CCDC141: variants seen among roughly 807,000 people sequenced by gnomAD.
CCDC141 encodes the protein coiled-coil domain containing 141, also known as coiled-coil domain-containing protein 141.
In CCDC141, 168 loss-of-function variants were observed where a neutral mutation model predicts 181.0. The observed-to-expected ratio is 0.93, with a 90% CI of 0.82 to 1.05. The LOEUF (loss-of-function observed/expected upper bound fraction) is 1.05. Among genes scored for constraint, CCDC141 ranks in the 50% least tolerant of loss-of-function variants. CCDC141 has a pLI of 0.00. For missense variants in CCDC141, 1,902 were observed against 1,788.5 expected, an observed-to-expected ratio of 1.06 and a Z score of -1.14; for synonymous variants, 666 against 642.3, an observed-to-expected ratio of 1.04 and a Z score of -0.56.
chr2:178,985,564 T>C (rs373394716), intron 2 of CCDC141, among the ~76,000 whole-genome samples: 2 of 151,368 alleles, frequency 1.3e-5, no homozygotes, highest in South Asian at 2.1e-4. Flanking sequence ...ATTGATAGAC[T>C]GCTAGCAAGA....
At chr2:178,974,936 G>A (rs2154380361) in intron 4 of CCDC141, 121 bp downstream of exon 4, 2 of 479,160 alleles carry the variant, frequency 4.2e-6, no homozygotes, top group Non-Finnish European at 7.3e-6. Context: ...ACTTTTCTTG[G>A]AACAAGCTGA....
At chr2:178,856,565 T>C (rs1217571412) in intron 17 of CCDC141, among the ~76,000 whole-genome samples, 168 bp from the exon 18 acceptor site, 1 of 147,560 alleles carries the variant, frequency 6.8e-6, no homozygotes, top group Non-Finnish European at 1.5e-5. Flanking sequence ...TCACTCTTTC[T>C]CTTTCTCTCT....
chr2:179,029,508 C>T lies in CCDC141; in HGVS notation c.225+17776G>A, dbSNP rs184167780. Among the ~76,000 whole-genome samples the T allele has an allele frequency of 5.5e-3, 830 of 152,236 alleles. 3 individuals carry two copies. Among genetic ancestry groups the T allele is most frequent in the Middle Eastern group, 0.017 (5 of 294 alleles). On this transcript the variant is annotated intron_variant, in intron 2 of 23. Coordinates refer to ENST00000443758, the MANE Select transcript of CCDC141 (RefSeq NM_173648.4). The stretch of plus-strand genomic sequence containing the variant: ...TCATAGATAGTAACCATTATTGCTT[C>T]TATAAGTTTTTCAAGGGGGTAAAAA...
rs551721830 is a variant in CCDC141 at position 179,009,335 on chromosome 2, C to A, written c.226-30660G>T. Among the ~76,000 whole-genome samples the A allele has an allele frequency of 4.6e-5, 7 of 152,216 alleles. No individual in the cohort carries two copies. In the South Asian group the frequency reaches 1.3e-3, roughly 27 times the overall value. ...GTTCTCCCCCCTGGGGGTTGAAAAG[C>A]CTTGTTTTGTCATATTACCATGGTT... is the stretch of plus-strand genomic sequence containing the variant. On this transcript the variant is annotated intron_variant, in intron 2 of 23. Coordinates refer to ENST00000443758, the MANE Select transcript of CCDC141 (RefSeq NM_173648.4).
rs1691230699 is a variant in CCDC141, at chr2:178,978,660, C to T, written c.241G>A (p.Val81Ile). 1 of 1,540,292 alleles carries T rather than the reference C, an allele frequency of 6.5e-7. No homozygotes were observed. Among genetic ancestry groups the T allele is most frequent in the African/African-American group, 1.4e-5 (1 of 72,310 alleles). The part of the protein sequence containing the change: ...LAKLKALEDR[V>I]WELLQEADKT... ...TCTGCTTCCTGCAAGAGTTCCCATACCCGATCTTCCAAAGCCTAAGTACAA... is the reference window on the plus strand; with the variant it reads ...TCTGCTTCCTGCAAGAGTTCCCATATCCGATCTTCCAAAGCCTAAGTACAA... The change falls in exon 3 of 24, where the codon GTA becomes ATA. Residue 81 changes from valine (V) to isoleucine (I), a missense_variant. Val to Ile is a conservative substitution (Grantham distance 29). Transcript: ENST00000443758.
At chr2:178,869,376 A>G (rs1686006110) in intron 14 of CCDC141, 71 bp from the exon 15 acceptor site, 2 of 1,063,360 alleles carry the variant, frequency 1.9e-6, no homozygotes, top group Non-Finnish European at 2.6e-6. Context: ...GACAATATAA[A>G]GGTCTAAACA....
At chr2:178,998,488 T>G (rs1692388254) in intron 2 of CCDC141, among the ~76,000 whole-genome samples, 1 of 152,290 alleles carries the variant, frequency 6.6e-6, no homozygotes. Flanking sequence ...TGCTTCAGTT[T>G]TTTTTCTTAA....
chr2:178,844,166 G>C (rs1192113005), intron 22 of CCDC141, among the ~76,000 whole-genome samples: 12 of 152,178 alleles, frequency 7.9e-5, no homozygotes, highest in Non-Finnish European at 2.9e-5. Context: ...CTTAGTAAGT[G>C]TGTCTAGTTC....
chr2:178,911,078 T>G (rs1353423676), intron 7 of CCDC141, among the ~76,000 whole-genome samples: 2 of 152,224 alleles, frequency 1.3e-5, no homozygotes, highest in African/African-American at 4.8e-5. Flanking sequence ...GACTTTAAGA[T>G]GATCTTGGGA....
At chr2:178,922,573 G>C (rs1688739270) in intron 6 of CCDC141, among the ~76,000 whole-genome samples, 2 of 152,126 alleles carry the variant, frequency 1.3e-5, no homozygotes, top group South Asian at 4.1e-4. Flanking sequence ...CAGAAGGCTC[G>C]CTATTTCAGA....
intron 16 of CCDC141, among the ~76,000 whole-genome samples, chr2:178,867,684 A>G (rs1203147247): frequency 6.6e-6 from 1 of 152,202 alleles, no homozygotes; most frequent in Non-Finnish European, 1.5e-5. Flanking sequence ...AATTAATGCA[A>G]GTTAAATAAA....
At chr2:178,977,365 G>A (rs1334425143) in intron 3 of CCDC141, among the ~76,000 whole-genome samples, 1 of 152,152 alleles carries the variant, frequency 6.6e-6, no homozygotes, top group Admixed American at 6.5e-5. Flanking sequence ...TTCAAGGACA[G>A]TTGACACCTA....
chr2:178,935,604 T>C (rs985550804), intron 6 of CCDC141, among the ~76,000 whole-genome samples: 1 of 152,176 alleles, frequency 6.6e-6, no homozygotes, highest in African/African-American at 2.4e-5. Context: ...TGTGTCTTTA[T>C]GGTAGAATGA....
chr2:178,905,247 A>G (rs540610769), intron 8 of CCDC141, 82 bp downstream of exon 8: 2 of 1,253,744 alleles, frequency 1.6e-6, no homozygotes, highest in South Asian at 3.2e-5. Context: ...CCAGAAAAAG[A>G]CAATCATGCA....
At chr2:178,980,278 T>A (rs955390181) in intron 2 of CCDC141, among the ~76,000 whole-genome samples, 5 of 152,006 alleles carry the variant, frequency 3.3e-5, no homozygotes, top group African/African-American at 1.2e-4. Context: ...TGAAACGCCA[T>A]CTCTACTACA....
At chr2:179,023,210 C>A (rs778953253) in intron 2 of CCDC141, among the ~76,000 whole-genome samples, 6 of 152,182 alleles carry the variant, frequency 3.9e-5, no homozygotes, top group Non-Finnish European at 7.3e-5. Context: ...TCAGCACTTA[C>A]TATGTGTGAA....
chr2:178,979,302 C>T (rs940952353), intron 2 of CCDC141, among the ~76,000 whole-genome samples: 2 of 151,676 alleles, frequency 1.3e-5, no homozygotes, highest in Non-Finnish European at 1.5e-5. Flanking sequence ...GAAGTTGACA[C>T]CAAAATAAAG....
intron 2 of CCDC141, among the ~76,000 whole-genome samples, chr2:179,015,118 CAT>C (rs746795745): frequency 0.36 from 9,271 of 25,906 alleles, 1,190 homozygotes; most frequent in East Asian, 0.5. Flanking sequence ...TATATATAAT[CAT>C]ATATATATAT....
chr2:178,953,522 T>A (rs1690042575), intron 5 of CCDC141, among the ~76,000 whole-genome samples: 1 of 152,216 alleles, frequency 6.6e-6, no homozygotes, highest in South Asian at 2.1e-4. Context: ...TACTACCCCT[T>A]GGAATATGAA....
Sources: allele counts gnomAD v4.1 joint callset (sites outside exome capture counted in the v4.1 genomes callset), GRCh38; gene constraint gnomAD v4.1.1; transcripts MANE v1.5; gene names NCBI Gene and HGNC (gene_info 2026-07-23, HGNC 2026-07-21).